GPATCH2L: variants seen among roughly 807,000 people sequenced by gnomAD.
The protein encoded by GPATCH2L is G-patch domain containing 2 like, also known as G patch domain-containing protein 2-like.
A neutral mutation model predicts 57.4 loss-of-function variants in GPATCH2L; 31 were observed. The observed-to-expected ratio is 0.54, with a 90% CI of 0.41 to 0.73. The LOEUF is 0.73. Among genes scored for constraint, GPATCH2L ranks in the 30% least tolerant of loss-of-function variants. The pLI is 0.00. For missense variants in GPATCH2L, 481 were observed against 599.9 expected (o/e 0.80, Z 2.07); for synonymous variants, 199 against 210.7 (o/e 0.94, Z 0.48).
chr14:76,152,571 C>T (rs1594893396), intron 1 of GPATCH2L: 2 of 443,356 alleles, frequency 4.5e-6, no homozygotes, highest in Admixed American at 4.9e-5. Context: ...TCAGCCTCAT[C>T]TCTGCCCGGG....
intron 2 of GPATCH2L, among the ~76,000 whole-genome samples, chr14:76,231,998 T>C (rs2040569328): frequency 6.6e-6 from 1 of 152,176 alleles, no homozygotes; most frequent in Non-Finnish European, 1.5e-5. Context: ...CACTGCAGCC[T>C]CACTGCAGGC....
intron 2 of GPATCH2L, among the ~76,000 whole-genome samples, chr14:76,158,425 A>T (rs1044023126): frequency 2.0e-5 from 3 of 152,374 alleles, no homozygotes; most frequent in African/African-American, 7.2e-5. Context: ...ATCTCTGTCC[A>T]TCACCTCTCA....
intron 9 of GPATCH2L, among the ~76,000 whole-genome samples, chr14:76,200,085 G>A (rs556284996): frequency 2.0e-5 from 3 of 152,278 alleles, no homozygotes; most frequent in African/African-American, 7.2e-5. Flanking sequence ...GAGAAATATT[G>A]TGTGATTCCA....
At chr14:76,168,405 C>T (rs1002994118) in intron 3 of GPATCH2L, among the ~76,000 whole-genome samples, 3 of 152,206 alleles carry the variant, frequency 2.0e-5, no homozygotes, top group African/African-American at 7.2e-5. Context: ...GCTTAACAGC[C>T]CCCAAATTTT....
rs146964066 is a variant in GPATCH2L, at chr14:76,179,706, A to C, written c.1108-1058A>C. 5.9e-5 allele frequency: 9 copies of C among 152,334 alleles called. No individual in the cohort carries two copies. The East Asian group carries it at 9.6e-4, about 16-fold the overall frequency. 9.4% of individuals were successfully genotyped at this position (152,334 alleles called of 1,614,324 possible). A position where few individuals can be genotyped will look rare whatever the true frequency, so the allele number is the denominator to read the frequency against. ...TGTATGTCAGAGGGTATTAAGTTCTAAACTTTTTAGAGAGGACTGTTATGT... is the reference window on the plus strand; with the variant it reads ...TGTATGTCAGAGGGTATTAAGTTCTCAACTTTTTAGAGAGGACTGTTATGT... On this transcript the variant is annotated intron_variant, in intron 7 of 9. Transcript: ENST00000261530.
rs548459618 is a variant in GPATCH2L, at chr14:76,200,575, C to T, written c.1289-1116C>T. Among the ~76,000 whole-genome samples, 4 of 152,202 alleles carry T rather than the reference C, an allele frequency of 2.6e-5. No individual in the cohort carries two copies. The South Asian group carries it at 8.3e-4, about 32-fold the overall frequency. On this transcript the variant is annotated intron_variant, in intron 9 of 9. Coordinates refer to ENST00000261530, the MANE Select transcript of GPATCH2L (RefSeq NM_017926.4). ...TCCAAAATGTTTGAAAGCTGTTGCC[C>T]TCAAGAAACTCTTGTATATAGAGTA...
At chr14:76,187,325 T>C (rs1488398025) in intron 8 of GPATCH2L, among the ~76,000 whole-genome samples, 1 of 152,088 alleles carries the variant, frequency 6.6e-6, no homozygotes, top group African/African-American at 2.4e-5. Flanking sequence ...TGTGAGCTCC[T>C]GGGGACAGGA....
intron 3 of GPATCH2L, among the ~76,000 whole-genome samples, chr14:76,168,688 A>G (rs952650500): frequency 6.6e-6 from 1 of 152,302 alleles, no homozygotes; most frequent in East Asian, 1.9e-4. Flanking sequence ...TTAATTTTCT[A>G]CTACGTAAAG....
At chr14:76,218,753 G>A (rs75658676), downstream of GPATCH2L, among the ~76,000 whole-genome samples, 3,336 of 151,890 alleles carry the variant, frequency 0.022, 75 homozygotes, top group South Asian at 0.078. Flanking sequence ...GTAATAATTT[G>A]TGAGTAGTCA....
intron 3 of GPATCH2L, among the ~76,000 whole-genome samples, chr14:76,168,313 A>G (rs2038936220): frequency 6.6e-6 from 1 of 152,226 alleles, no homozygotes; most frequent in Non-Finnish European, 1.5e-5. Flanking sequence ...GGGTTGGCCT[A>G]TAGGAGGCAT....
At position 76,204,642 on chromosome 14, in the gene GPATCH2L, G is replaced by A. The variant is rs141511809; in HGVS notation, c.*2791G>A. 1.2e-3 allele frequency: 178 copies of A among 152,308 alleles called. No homozygotes were observed. The highest frequency in any genetic ancestry group is 4.1e-3 in the African/African-American group (170 of 41,564). The allele number at this position is 152,308 out of a possible 1,614,324, so 9.4% of individuals were successfully genotyped here. ...TCAAAAATGAGGTTTTGTAATCAGTGTTGAAAAAACTCTGAACTATGACTT... is the reference window on the plus strand; with the variant it reads ...TCAAAAATGAGGTTTTGTAATCAGTATTGAAAAAACTCTGAACTATGACTT... On this transcript the variant is annotated 3_prime_UTR_variant, in exon 10 of 10. Coordinates refer to ENST00000261530, the MANE Select transcript of GPATCH2L (RefSeq NM_017926.4).
At chr14:76,157,328 A>G (rs2038356394) in intron 2 of GPATCH2L, among the ~76,000 whole-genome samples, 2 of 152,226 alleles carry the variant, frequency 1.3e-5, no homozygotes, top group South Asian at 4.1e-4. Context: ...TGGAACTAAA[A>G]TCTCCCTTAA....
At chr14:76,180,617 T>C (rs1473962877) in intron 7 of GPATCH2L, 147 bp from the exon 8 acceptor site, 3 of 631,016 alleles carry the variant, frequency 4.8e-6, no homozygotes, top group Non-Finnish European at 5.7e-6. Flanking sequence ...AACTATGAAA[T>C]ATGTGTGACT....
intron 8 of GPATCH2L, among the ~76,000 whole-genome samples, chr14:76,192,529 C>T (rs2040013435): frequency 6.6e-6 from 1 of 152,060 alleles, no homozygotes; most frequent in South Asian, 2.1e-4. Flanking sequence ...AACGAACATA[C>T]CTTCTCTTCA....
At chr14:76,230,092 C>T (rs1163220016) in intron 2 of GPATCH2L, 1 of 152,300 alleles carries the variant, frequency 6.6e-6, no homozygotes, top group Non-Finnish European at 1.5e-5. Flanking sequence ...GTTAGCCTCG[C>T]TGACACAGCT....
rs150323805 is a variant in GPATCH2L at position 76,208,567 on chromosome 14, C to CCA, written c.*6728_*6729dup. 1.2e-3 allele frequency: 176 copies of CCA among 152,296 alleles called. No individual in the cohort carries two copies. Among genetic ancestry groups the CCA allele is most frequent in the Middle Eastern group, 3.4e-3 (1 of 294 alleles). The allele number at this position is 152,296 out of a possible 1,614,324, so 9.4% of individuals were successfully genotyped here. ...CGGGCAGAACTTCCCACTTAGACAC[C>CCA]CACACACACACACGCTTCCTTACCT... On this transcript the variant is annotated 3_prime_UTR_variant, in exon 10 of 10. Coordinates refer to ENST00000261530, the MANE Select transcript of GPATCH2L (RefSeq NM_017926.4).
intron 2 of GPATCH2L, among the ~76,000 whole-genome samples, chr14:76,161,129 C>G (rs2139585159): frequency 6.6e-6 from 1 of 152,254 alleles, no homozygotes; most frequent in South Asian, 2.1e-4. Flanking sequence ...AGTCTGATTA[C>G]AAAGGGTTAC....
At chr14:76,153,199 G>A (rs1026876296) in intron 1 of GPATCH2L, among the ~76,000 whole-genome samples, 9 of 152,228 alleles carry the variant, frequency 5.9e-5, no homozygotes, top group African/African-American at 1.9e-4. Flanking sequence ...TTTGCAAAGT[G>A]AAAACTGAAT....
chr14:76,190,274 TC>T (rs1207396069), intron 8 of GPATCH2L, among the ~76,000 whole-genome samples: 1 of 152,136 alleles, frequency 6.6e-6, no homozygotes, highest in Non-Finnish European at 1.5e-5. Context: ...GAAAGAATCC[TC>T]TTTCCATTAA....
Sources: gnomAD v4.1 joint callset for allele counts (sites outside exome capture counted in the v4.1 genomes callset) on GRCh38, gnomAD v4.1.1 for gene constraint, MANE v1.5 for transcripts, NCBI Gene and HGNC (gene_info 2026-07-23, HGNC 2026-07-21) for gene names.